Variants in HHAT observed in about 807,000 individuals in gnomAD.
HHAT encodes hedgehog acyltransferase.
Under a neutral mutation model 70.8 loss-of-function variants are expected in HHAT, and 47 were observed. The observed-to-expected ratio is 0.66, with a 90% confidence interval of 0.53 to 0.85. The LOEUF (loss-of-function observed/expected upper bound fraction) is 0.85, where lower values mean the gene tolerates loss of function less well. Among genes scored for constraint, HHAT ranks in the 40% least tolerant of loss-of-function variants. The pLI, the probability that HHAT is intolerant of heterozygous loss-of-function variation, is 0.00. For missense variants in HHAT, 609 were observed against 604.8 expected, an observed-to-expected ratio of 1.01 and a Z score of -0.07; for synonymous variants, 228 against 247.6, an observed-to-expected ratio of 0.92 and a Z score of 0.74.
chr1:210,522,856 T>G (rs2148611172), intron 9 of HHAT, among the ~76,000 whole-genome samples: 1 of 152,000 alleles, frequency 6.6e-6, no homozygotes, highest in South Asian at 2.1e-4. Flanking sequence ...TTTAGATAAC[T>G]CATGAAACCT....
chr1:210,340,538 T>C (rs1571711940), intron 1 of HHAT, among the ~76,000 whole-genome samples: 1 of 152,226 alleles, frequency 6.6e-6, no homozygotes, highest in Non-Finnish European at 1.5e-5. Flanking sequence ...CATTTGTTCC[T>C]GAATTTAGAG....
chr1:210,392,098 G>T (rs2091497121), intron 4 of HHAT, among the ~76,000 whole-genome samples: 1 of 152,078 alleles, frequency 6.6e-6, no homozygotes. Flanking sequence ...TAAACTCTTG[G>T]CCTCAAGTGA....
intron 8 of HHAT, 41 bp downstream of exon 8, chr1:210,464,696 G>GT (rs751756197): frequency 6.2e-7 from 1 of 1,610,992 alleles, no homozygotes; most frequent in Admixed American, 1.7e-5. Context: ...GGCATGTCCA[G>GT]TGGGAGGAGC....
intron 1 of HHAT, among the ~76,000 whole-genome samples, chr1:210,336,310 T>TTTTTTTTTGTG (rs2085492279): frequency 7.4e-6 from 1 of 134,338 alleles, no homozygotes. Context: ...TTTTTTTTTT[T>TTTTTTTTTGTG]AGAGACAGGG....
chr1:210,559,281 G>A (rs1227533449), intron 9 of HHAT, among the ~76,000 whole-genome samples: 1 of 152,126 alleles, frequency 6.6e-6, no homozygotes, highest in African/African-American at 2.4e-5. Flanking sequence ...TTTCATGAGG[G>A]CAGGGACCTT....
At chr1:210,408,248 C>T (rs1293945011) in intron 6 of HHAT, among the ~76,000 whole-genome samples, 1 of 152,078 alleles carries the variant, frequency 6.6e-6, no homozygotes, top group African/African-American at 2.4e-5. Flanking sequence ...AGTGGCACAA[C>T]TTTAGCTCAT....
chr1:210,452,624 A>G (rs889212113), intron 7 of HHAT, among the ~76,000 whole-genome samples: 6 of 152,264 alleles, frequency 3.9e-5, no homozygotes, highest in African/African-American at 1.2e-4. Flanking sequence ...AAAACAGAAC[A>G]TGGCAGAGTG....
chr1:210,608,790 G>A (rs986933679), intron 10 of HHAT, among the ~76,000 whole-genome samples: 1 of 152,080 alleles, frequency 6.6e-6, no homozygotes, highest in East Asian at 1.9e-4. Flanking sequence ...TTAAGTGTCT[G>A]GTGAGGGCCC....
chr1:210,464,803 A>G (rs1463554059), intron 8 of HHAT, 148 bp downstream of exon 8: 2 of 746,838 alleles, frequency 2.7e-6, no homozygotes, highest in Non-Finnish European at 2.2e-6. Flanking sequence ...TACTAACAGG[A>G]TGACTAATCC....
intron 8 of HHAT, among the ~76,000 whole-genome samples, chr1:210,474,730 A>T (rs925109732): frequency 1.2e-4 from 18 of 152,056 alleles, no homozygotes; most frequent in Admixed American, 1.1e-3. Flanking sequence ...AGTCTAGTGG[A>T]TAAGAGTGAG....
rs531085864 is a variant in HHAT at position 210,629,421 on chromosome 1, T to G, written c.1390+5751T>G. ...CACTTAAAGCTTTTGTGCTAGGTTA[T>G]GGAAACTTTTTCCTGCTAATCAGAG... On this transcript the variant is annotated intron_variant, in intron 11 of 11. Transcript: ENST00000261458. Among the ~76,000 whole-genome samples the G allele has an allele frequency of 3.3e-5, 5 of 152,386 alleles. No individual in the cohort carries two copies. The South Asian group carries it at 1.0e-3, about 32-fold the overall frequency.
chr1:210,614,860 C>A (rs961426646), intron 10 of HHAT, among the ~76,000 whole-genome samples: 4 of 152,094 alleles, frequency 2.6e-5, no homozygotes, highest in Non-Finnish European at 5.9e-5. Flanking sequence ...TGAGTAGTGC[C>A]GCAATAAACA....
At chr1:210,509,650 CTG>C (rs372058560) in intron 8 of HHAT, among the ~76,000 whole-genome samples, 1 of 152,032 alleles carries the variant, frequency 6.6e-6, no homozygotes, top group Non-Finnish European at 1.5e-5. Flanking sequence ...ATGCTAAGCA[CTG>C]TGTGTGTGTG....
At chr1:210,450,629 C>A (rs1364665041) in intron 7 of HHAT, among the ~76,000 whole-genome samples, 2 of 146,280 alleles carry the variant, frequency 1.4e-5, no homozygotes, top group African/African-American at 2.5e-5. Flanking sequence ...TTTTACATAC[C>A]CCAAGGACTG....
At chr1:210,359,090 G>A (rs1304577756) in intron 2 of HHAT, among the ~76,000 whole-genome samples, 2 of 152,166 alleles carry the variant, frequency 1.3e-5, no homozygotes, top group Non-Finnish European at 2.9e-5. Flanking sequence ...TAGAACCAGG[G>A]CACTGGAAGA....
chr1:210,531,139 G>A (rs1345492246), intron 9 of HHAT, among the ~76,000 whole-genome samples: 3 of 152,172 alleles, frequency 2.0e-5, no homozygotes, highest in Non-Finnish European at 1.5e-5. Context: ...AATACTACAG[G>A]CAGTTGTAAT....
chr1:210,598,774 A>ATC (rs1663583890), intron 10 of HHAT, among the ~76,000 whole-genome samples: 2 of 152,238 alleles, frequency 1.3e-5, no homozygotes, highest in African/African-American at 4.8e-5. Context: ...ATACAAAGTT[A>ATC]AAACCAGGTA....
At chr1:210,653,496 T>C (rs12401773) in intron 11 of HHAT, among the ~76,000 whole-genome samples, 55,611 of 150,150 alleles carry the variant, frequency 0.37, 11,339 homozygotes, top group Non-Finnish European at 0.46. Flanking sequence ...CACCACTGCA[T>C]TCCAGCCTGG....
chr1:210,539,901 G>T (rs1379798853), intron 9 of HHAT, among the ~76,000 whole-genome samples: 1 of 152,126 alleles, frequency 6.6e-6, no homozygotes, highest in South Asian at 2.1e-4. Flanking sequence ...TTCCTACAAG[G>T]GCATTCTCAG....
Sources: gnomAD v4.1 joint callset for allele counts (sites outside exome capture counted in the v4.1 genomes callset) on GRCh38, gnomAD v4.1.1 for gene constraint, MANE v1.5 for transcripts, NCBI Gene and HGNC (gene_info 2026-07-23, HGNC 2026-07-21) for gene names.